Variants in PCNX2 observed in about 807,000 individuals in gnomAD.
PCNX2 encodes the protein pecanex 2.
A neutral mutation model predicts 223.8 loss-of-function variants in PCNX2; 168 were observed. The ratio of observed to expected loss-of-function variants is 0.75; its 90% CI spans 0.66 to 0.85. The LOEUF is 0.85. Among genes scored for constraint, PCNX2 ranks in the 40% least tolerant of loss-of-function variants. The pLI is 0.00. For missense variants in PCNX2, 2,507 were observed against 2,675.5 expected (o/e 0.94, Z 1.39); for synonymous variants, 1,006 against 1,052.6 (o/e 0.96, Z 0.86).
intron 32 of PCNX2, among the ~76,000 whole-genome samples, chr1:232,993,700 C>T (rs181579749): frequency 6.6e-6 from 1 of 152,378 alleles, no homozygotes; most frequent in East Asian, 1.9e-4. Context: ...GGAAGCCCCT[C>T]CCATCACAGG....
intron 12 of PCNX2, among the ~76,000 whole-genome samples, chr1:233,212,462 C>T (rs1400497714): frequency 6.6e-6 from 1 of 152,158 alleles, no homozygotes; most frequent in East Asian, 1.9e-4. Context: ...CTTAGTTTAT[C>T]GTTGAATTCT....
At chr1:233,260,832 G>A (rs962331362) in intron 4 of PCNX2, among the ~76,000 whole-genome samples, 1 of 151,654 alleles carries the variant, frequency 6.6e-6, no homozygotes, top group African/African-American at 2.4e-5. Context: ...TAGTAAAAAT[G>A]TAAAACAAAA....
At chr1:233,265,130 C>T (rs952705045) in intron 1 of PCNX2, among the ~76,000 whole-genome samples, 1 of 151,778 alleles carries the variant, frequency 6.6e-6, no homozygotes, top group African/African-American at 2.4e-5. Context: ...ATAGTCCTTG[C>T]TACTGGGGAG....
chr1:233,272,732 C>T (rs13375741), intron 1 of PCNX2, among the ~76,000 whole-genome samples: 7,627 of 152,166 alleles, frequency 0.05, 637 homozygotes, highest in African/African-American at 0.17. Flanking sequence ...TGCAAAAATA[C>T]GGAACCAGCC....
rs1402936074 is a variant in PCNX2 at position 233,119,571 on chromosome 1, C to G, written c.3837+15442G>C. Among the ~76,000 whole-genome samples, 5 of 142,210 alleles carry G rather than the reference C, an allele frequency of 3.5e-5. No individual in the cohort carries two copies. The Admixed American group carries it at 3.5e-4, about 10-fold the overall frequency. 93.3% of individuals were successfully genotyped at this position (142,210 alleles called of 152,430 possible). On this transcript the variant is annotated intron_variant, in intron 21 of 33. Coordinates refer to ENST00000258229, the MANE Select transcript of PCNX2 (RefSeq NM_014801.4). ...CTGCACTCCAGCCTGGGTGACAGAA[C>G]GAGACCTTGTCTCAAAAAAAAAAAA... is the stretch of plus-strand genomic sequence containing the variant.
Position 233,139,694 on chromosome 1 carries a change from A to G in PCNX2, c.3659+20T>C. On this transcript the variant is annotated intron_variant, in intron 20 of 33. Coordinates refer to ENST00000258229, the MANE Select transcript of PCNX2 (RefSeq NM_014801.4). This position sits in a 1 kb window ranked among gnomAD's most constrained non-coding sequence, Gnocchi z 4.4. ...AAATGTGACCCAAATCATTATGAAGATAAACCATTAACCACTTACTGGGTA... is the reference window on the plus strand; with the variant it reads ...AAATGTGACCCAAATCATTATGAAGGTAAACCATTAACCACTTACTGGGTA... The G allele has an allele frequency of 6.3e-7, 1 of 1,575,850 alleles. No homozygotes were observed. The highest frequency in any genetic ancestry group is 8.6e-7 in the Non-Finnish European group (1 of 1,160,490).
chr1:233,042,383 G>A (rs1671673099), intron 25 of PCNX2, among the ~76,000 whole-genome samples: 1 of 152,086 alleles, frequency 6.6e-6, no homozygotes. Context: ...CTCTGCAGTG[G>A]TCCTTCTGAA....
chr1:233,021,080 A>C (rs568996743), intron 26 of PCNX2, among the ~76,000 whole-genome samples: 1 of 152,248 alleles, frequency 6.6e-6, no homozygotes, highest in South Asian at 2.1e-4. Context: ...CTTCTGTTCT[A>C]ATAGGCAGTT....
At position 233,295,305 on chromosome 1, in the gene PCNX2, G is replaced by A. The variant is rs753037530; in HGVS notation, c.153+21C>T. 3 of 1,571,206 alleles carry A rather than the reference G, an allele frequency of 1.9e-6. No individual in the cohort carries two copies. Among genetic ancestry groups the A allele is most frequent in the East Asian group, 2.4e-5 (1 of 42,290 alleles). ...TCCCTCCATACCCACAGCTCCCCGGGACCGGACCCTCCCCACTCACCAGGT... is the reference window on the plus strand; with the variant it reads ...TCCCTCCATACCCACAGCTCCCCGGAACCGGACCCTCCCCACTCACCAGGT... On this transcript the variant is annotated intron_variant, in intron 1 of 33. Coordinates refer to ENST00000258229, the MANE Select transcript of PCNX2 (RefSeq NM_014801.4). This position sits in a 1 kb window ranked among gnomAD's most constrained non-coding sequence, Gnocchi z 4.1.
At chr1:233,178,587 G>A (rs947855914) in intron 16 of PCNX2, among the ~76,000 whole-genome samples, 4 of 152,178 alleles carry the variant, frequency 2.6e-5, no homozygotes, top group Admixed American at 6.5e-5. Flanking sequence ...TCCAGAGGAC[G>A]TTGGCCAGAT....
chr1:233,191,512 A>G (rs777317767), intron 15 of PCNX2, among the ~76,000 whole-genome samples: 4 of 152,238 alleles, frequency 2.6e-5, no homozygotes, highest in Non-Finnish European at 5.9e-5. Context: ...TTAAGTGTCC[A>G]ATAAAATATT....
chr1:233,173,166 CTT>C (rs200540403), intron 17 of PCNX2, among the ~76,000 whole-genome samples: 66 of 146,072 alleles, frequency 4.5e-4, no homozygotes, highest in African/African-American at 1.4e-3. Flanking sequence ...AGTCTTCACT[CTT>C]TTTTTTTTTT....
At chr1:233,019,377 C>A (rs1383596965) in intron 26 of PCNX2, among the ~76,000 whole-genome samples, 1 of 152,144 alleles carries the variant, frequency 6.6e-6, no homozygotes, top group Non-Finnish European at 1.5e-5. Flanking sequence ...CCCACCATAA[C>A]CATCCTGGCC....
At chr1:233,086,782 G>C (rs1427599122) in intron 23 of PCNX2, among the ~76,000 whole-genome samples, 3 of 152,184 alleles carry the variant, frequency 2.0e-5, no homozygotes, top group Non-Finnish European at 4.4e-5. Context: ...CTGCCATATT[G>C]GAGAGCACAG....
intron 21 of PCNX2, among the ~76,000 whole-genome samples, chr1:233,102,654 T>G (rs1674551975): frequency 6.6e-6 from 1 of 152,176 alleles, no homozygotes; most frequent in African/African-American, 2.4e-5. Context: ...TGCCCATTTG[T>G]ATGTCTTCTT....
intron 15 of PCNX2, chr1:233,180,737 G>A (rs540330700): frequency 2.0e-5 from 3 of 152,070 alleles, no homozygotes; most frequent in African/African-American, 7.2e-5. Flanking sequence ...CTAAACGCCC[G>A]AGAGCAGTAC....
intron 15 of PCNX2, 39 bp downstream of exon 15, chr1:233,198,900 G>T: frequency 6.7e-7 from 1 of 1,489,008 alleles, no homozygotes; most frequent in South Asian, 1.2e-5. Flanking sequence ...TTAATTTAAT[G>T]AATCGAGAAG....
At chr1:233,080,310 G>A (rs1673295531) in intron 23 of PCNX2, among the ~76,000 whole-genome samples, 1 of 151,768 alleles carries the variant, frequency 6.6e-6, no homozygotes, top group South Asian at 2.1e-4. Context: ...GTCAATCCCA[G>A]TACCTGCTGT....
intron 4 of PCNX2, chr1:233,259,960 T>C: frequency 1.2e-5 from 5 of 429,846 alleles, no homozygotes; most frequent in Non-Finnish European, 1.5e-5. Flanking sequence ...AATTTAGAGA[T>C]AATTTAAAGT....
Sources: gnomAD v4.1 joint callset for allele counts (sites outside exome capture counted in the v4.1 genomes callset) on GRCh38, gnomAD v4.1.1 for gene constraint, Gnocchi (gnomAD v3.1) non-coding constraint, MANE v1.5 for transcripts, NCBI Gene and HGNC (gene_info 2026-07-23, HGNC 2026-07-21) for gene names.